Variants in AFF4 observed in about 807,000 individuals in gnomAD.
The protein encoded by AFF4 is AF4/FMR2 family member 4.
In AFF4, 13 loss-of-function variants were observed where a neutral mutation model predicts 124.8. The observed-to-expected ratio is 0.10, with a 90% CI of 0.07 to 0.17. The LOEUF is 0.17. Among genes scored for constraint, AFF4 ranks in the 10% least tolerant of loss-of-function variants. The pLI, the probability that AFF4 is intolerant of heterozygous loss-of-function variation, is 1.00. For missense variants in AFF4, 1,092 were observed against 1,403.8 expected (o/e 0.78, Z 3.55); for synonymous variants, 477 against 496.1 (o/e 0.96, Z 0.51).
chr5:132,957,851 C>T (rs59484796), intron 1 of AFF4, among the ~76,000 whole-genome samples: 17,478 of 152,188 alleles, frequency 0.11, 1,274 homozygotes, highest in South Asian at 0.19. Context: ...TGAGAAGTAT[C>T]ATAGGGCAAA....
chr5:132,882,854 C>CAAA lies in AFF4; in HGVS notation c.3364+483_3364+485dup, dbSNP rs59412090. Among the ~76,000 whole-genome samples the CAAA allele has an allele frequency of 7.3e-5, 9 of 123,406 alleles. 1 individual carries two copies. Among genetic ancestry groups the CAAA allele is most frequent in the South Asian group, 5.5e-4 (2 of 3,622 alleles). The allele number at this position is 123,406 out of a possible 152,430, so 81.0% of individuals were successfully genotyped here. ...GGGCAACAAAAGCGAAACTCCATCTCAAAAAAAAAAAAAAAAAAATTTCTA... is the reference window on the plus strand; with the variant it reads ...GGGCAACAAAAGCGAAACTCCATCTCAAAAAAAAAAAAAAAAAAAAAATTTCTA... On this transcript the variant is annotated intron_variant, in intron 20 of 20. Transcript: ENST00000265343.
At chr5:132,901,121 G>A (rs1760540781) in intron 7 of AFF4, 15 of 985,396 alleles carry the variant, frequency 1.5e-5, no homozygotes, top group Non-Finnish European at 1.8e-5. Flanking sequence ...CTATCTCTAC[G>A]ACTGATTTTC....
chr5:132,921,734 G>C (rs1761052618), intron 5 of AFF4, among the ~76,000 whole-genome samples: 1 of 152,002 alleles, frequency 6.6e-6, no homozygotes, highest in Non-Finnish European at 1.5e-5. Flanking sequence ...CCAAAGTGCT[G>C]GGATTACAGG....
chr5:132,960,476 G>C (rs1290951089), intron 1 of AFF4, among the ~76,000 whole-genome samples: 2 of 152,170 alleles, frequency 1.3e-5, no homozygotes, highest in Non-Finnish European at 2.9e-5. Flanking sequence ...TTCTAAACCA[G>C]TGGATGGCCA....
intron 19 of AFF4, 63 bp from the exon 20 acceptor site, chr5:132,883,623 T>C (rs549648131): frequency 4.8e-5 from 68 of 1,410,272 alleles, no homozygotes; most frequent in Non-Finnish European, 6.7e-5. Flanking sequence ...AATCAAGTAC[T>C]ACTAGCTCTT....
intron 5 of AFF4, among the ~76,000 whole-genome samples, chr5:132,923,371 G>GGAGA (rs72156570): frequency 4.1e-4 from 61 of 148,360 alleles, no homozygotes; most frequent in African/African-American, 1.2e-3. Flanking sequence ...AGGAAAGAAA[G>GGAGA]GAGAGAGAGA....
rs149408861 is a variant in AFF4 at position 132,915,842 on chromosome 5, C to T, written c.1050+11279G>A. 8.6e-3 allele frequency among the ~76,000 whole-genome samples: 1,304 copies of T among 152,028 alleles called. 9 individuals carry two copies. Among genetic ancestry groups the T allele is most frequent in the Non-Finnish European group, 0.013 (858 of 67,970 alleles). ...CTGGGATTACAGAAGTGAGCCACTA[C>T]GCCCGGCTGACTCACTTCTTTGTAA... is the stretch of plus-strand genomic sequence containing the variant. On this transcript the variant is annotated intron_variant, in intron 5 of 20. Transcript: ENST00000265343.
rs140739679 is a variant in AFF4 at position 132,901,047 on chromosome 5, A to C, written c.1133+1395T>G. 8.0e-4 allele frequency: 791 copies of C among 985,450 alleles called. 8 individuals are homozygous for C. In the African/African-American group the frequency reaches 0.013, roughly 17 times the overall value. The allele number at this position is 985,450 out of a possible 1,614,324, so 61.0% of individuals were successfully genotyped here. A position where few individuals can be genotyped will look rare whatever the true frequency, so the allele number is the denominator to read the frequency against. On this transcript the variant is annotated intron_variant, in intron 7 of 20. Transcript: ENST00000265343. ...AAATAAAGTAACCAGATGATTTTTA[A>C]GACTGGCCCAATTAAACAGAACAGG... is the stretch of plus-strand genomic sequence containing the variant.
At chr5:132,936,274 A>AG (rs1285041843) in intron 2 of AFF4, among the ~76,000 whole-genome samples, 1 of 149,488 alleles carries the variant, frequency 6.7e-6, no homozygotes, top group African/African-American at 2.5e-5. Context: ...CTCAAAAAAA[A>AG]AAAAAAAAAA....
chr5:132,886,471 C>A, intron 17 of AFF4, 68 bp from the exon 18 acceptor site: 1 of 1,438,702 alleles, frequency 7.0e-7, no homozygotes, highest in South Asian at 1.2e-5. Context: ...CACAGACAGC[C>A]TTTGCATTGT....
chr5:132,958,328 T>C (rs760310354), intron 1 of AFF4, among the ~76,000 whole-genome samples: 10 of 151,802 alleles, frequency 6.6e-5, no homozygotes, highest in Non-Finnish European at 1.5e-4. Context: ...TAGCAGGGCA[T>C]GGTGGTGCAC....
At chr5:132,954,435 G>T (rs1303184756) in intron 1 of AFF4, among the ~76,000 whole-genome samples, 1 of 152,194 alleles carries the variant, frequency 6.6e-6, no homozygotes, top group Non-Finnish European at 1.5e-5. Context: ...AGTGGGTGCA[G>T]AAGCTTTTGG....
At chr5:132,902,369 C>T in intron 7 of AFF4, 73 bp downstream of exon 7, 2 of 1,270,004 alleles carry the variant, frequency 1.6e-6, no homozygotes, top group Non-Finnish European at 1.1e-6. Flanking sequence ...AAATACTGTT[C>T]AAAATACCTA....
chr5:132,884,346 T>A (rs1449411551), intron 19 of AFF4, among the ~76,000 whole-genome samples: 1 of 152,088 alleles, frequency 6.6e-6, no homozygotes, highest in Non-Finnish European at 1.5e-5. Context: ...TTCCAATGAT[T>A]CTCCTGCCTC....
At chr5:132,882,465 C>T (rs916682967) in intron 20 of AFF4, among the ~76,000 whole-genome samples, 19 of 152,186 alleles carry the variant, frequency 1.2e-4, no homozygotes, top group African/African-American at 4.6e-4. Context: ...GTACTTTCCA[C>T]TAAGGTCTTC....
At chr5:132,925,392 G>T (rs1007959550) in intron 5 of AFF4, among the ~76,000 whole-genome samples, 22 of 151,792 alleles carry the variant, frequency 1.4e-4, no homozygotes, top group African/African-American at 4.6e-4. Context: ...AGAAAGAAAA[G>T]TCTTCTTTAA....
chr5:132,918,123 T>TAATCCCA (rs1760957964), intron 5 of AFF4, among the ~76,000 whole-genome samples: 1 of 150,762 alleles, frequency 6.6e-6, no homozygotes, highest in Non-Finnish European at 1.5e-5. Context: ...CCGGGTACTG[T>TAATCCCA]GGCTCATGCC....
chr5:132,955,789 AAAAAAAAT>A (rs1326954045), intron 1 of AFF4, among the ~76,000 whole-genome samples: 1 of 140,810 alleles, frequency 7.1e-6, no homozygotes, highest in East Asian at 2.0e-4. Context: ...AAAAAAAAAA[AAAAAAAAT>A]ATATATATAT....
At position 132,883,494 on chromosome 5, in the gene AFF4, T is replaced by A; in HGVS notation, c.3210A>T (p.Ser1070=). Residue 1070 remains serine, a synonymous_variant, in exon 20 of 21, where the codon TCA becomes TCT. Transcript: ENST00000265343. ...TTGCAGAAGCACTACTGGCCCCAGA[T>A]GAATAATTTCCTGAATTGCCTGGTG... ...KLSPGNSGNY[S]SGASSASASG... 3.7e-6 allele frequency: 6 copies of A among 1,614,048 alleles called. No individual in the cohort carries two copies. The highest frequency in any genetic ancestry group is 5.1e-6 in the Non-Finnish European group (6 of 1,180,014).
Sources: gnomAD v4.1 joint callset for allele counts (sites outside exome capture counted in the v4.1 genomes callset) on GRCh38, gnomAD v4.1.1 for gene constraint, MANE v1.5 for transcripts, NCBI Gene and HGNC (gene_info 2026-07-23, HGNC 2026-07-21) for gene names.